SLC35B3: variants seen among roughly 807,000 people sequenced by gnomAD.
SLC35B3 encodes the protein adenosine 3'-phospho 5'-phosphosulfate transporter 2.
SLC35B3 carries 35 observed loss-of-function variants against 44.1 expected under a neutral mutation model. The observed-to-expected ratio is 0.79, with a 90% CI of 0.61 to 1.05. The LOEUF is 1.05. SLC35B3 is among the 50% of genes least tolerant of loss of function. The pLI, the probability that SLC35B3 is intolerant of heterozygous loss-of-function variation, is 0.00. For synonymous variants in SLC35B3, 146 were observed against 167.3 expected, an observed-to-expected ratio of 0.87 and a Z score of 0.98; for missense variants, 414 against 476.4, an observed-to-expected ratio of 0.87 and a Z score of 1.22.
chr6:8,426,129 C>A (rs1366409832), intron 4 of SLC35B3, among the ~76,000 whole-genome samples: 1 of 151,950 alleles, frequency 6.6e-6, no homozygotes, highest in Non-Finnish European at 1.5e-5. Context: ...TCTAAAAAAG[C>A]AGAATAACAA....
Position 8,419,627 on chromosome 6 carries a change from CATT to C in SLC35B3, c.730_732del (p.Asn244del), listed in dbSNP as rs779084757. 2.5e-6 allele frequency: 4 copies of C among 1,570,490 alleles called. No homozygotes were observed. In the Admixed American group the frequency reaches 5.2e-5, roughly 21 times the overall value. Reference sequence around the variant, plus strand: ...TGAAGTTTCATAGCTTTCTCTTGAACATTTCCAATGACGGCATCTGCACATAGT... The same window carrying C: ...TGAAGTTTCATAGCTTTCTCTTGAACTCCAATGACGGCATCTGCACATAGT... On this transcript the variant is annotated inframe_deletion, in exon 7 of 11. Transcript: ENST00000644923. The surrounding 1 kb of genome is among the most constrained non-coding windows in gnomAD (Gnocchi z 4.3).
chr6:8,434,465 G>C lies in SLC35B3; in HGVS notation c.-43-35C>G. Reference sequence around the variant, plus strand: ...ACGATTATAAAACAGAAAAAACAAAGTTCCATCTCATTTCTTTGTACACAC... The same window carrying C: ...ACGATTATAAAACAGAAAAAACAAACTTCCATCTCATTTCTTTGTACACAC... On this transcript the variant is annotated intron_variant, in intron 1 of 10. Coordinates refer to ENST00000644923, the MANE Select transcript of SLC35B3 (RefSeq NM_001370476.2). This position sits in a 1 kb window ranked among gnomAD's most constrained non-coding sequence, Gnocchi z 6.3. 7 of 1,586,582 alleles carry C rather than the reference G, an allele frequency of 4.4e-6. No individual in the cohort carries two copies. The highest frequency in any genetic ancestry group is 6.0e-6 in the Non-Finnish European group (7 of 1,161,558).
chr6:8,419,784 G>A lies in SLC35B3; in HGVS notation c.683-107C>T, dbSNP rs1762732750. On this transcript the variant is annotated intron_variant, in intron 6 of 10. Coordinates refer to ENST00000644923, the MANE Select transcript of SLC35B3 (RefSeq NM_001370476.2). The surrounding 1 kb of genome is among the most constrained non-coding windows in gnomAD (Gnocchi z 4.3). ...TTCATTGGTCTAAAAAACAAAAGCAGATCTTCAACTACATTTGTTCGGTAA... is the reference window on the plus strand; with the variant it reads ...TTCATTGGTCTAAAAAACAAAAGCAAATCTTCAACTACATTTGTTCGGTAA... The A allele has an allele frequency of 9.5e-6, 5 of 529,088 alleles. No homozygotes were observed. The South Asian group carries it at 1.5e-4, about 16-fold the overall frequency. 32.8% of individuals were successfully genotyped at this position (529,088 alleles called of 1,614,324 possible). A position where few individuals can be genotyped will look rare whatever the true frequency, so the allele number is the denominator to read the frequency against.
chr6:8,428,185 TAGAG>T (rs530668729), intron 3 of SLC35B3, 127 bp from the exon 3 acceptor site: 18 of 837,122 alleles, frequency 2.2e-5, no homozygotes, highest in Non-Finnish European at 3.0e-5. Context: ...AAATGTAAAT[TAGAG>T]AGGTTAGAAG....
chr6:8,426,521 C>T (rs1450522508), intron 4 of SLC35B3, among the ~76,000 whole-genome samples: 3 of 152,018 alleles, frequency 2.0e-5, no homozygotes, highest in African/African-American at 4.8e-5. Context: ...CAGGGGTTTC[C>T]GCTTTTGCAT....
Position 8,413,611 on chromosome 6 carries a change from A to C in SLC35B3, c.1144T>G (p.Tyr382Asp). ...TCCACTGATTTGTTTATCAAATCATACAGTGATGGTAGTCTTATTTTATCC... is the reference window on the plus strand; with the variant it reads ...TCCACTGATTTGTTTATCAAATCATCCAGTGATGGTAGTCTTATTTTATCC... Residue 382 changes from tyrosine to aspartate, a missense_variant, in exon 11 of 11, where the codon TAT becomes GAT. By Grantham distance (160) the Tyr-to-Asp change is radical. Transcript: ENST00000644923. The C allele has an allele frequency of 6.2e-7, 1 of 1,604,614 alleles. No individual in the cohort carries two copies.
rs141551528 is a variant in SLC35B3 at position 8,412,268 on chromosome 6, T to C, written c.*1281A>G. ...CCATTGTTTATGAGCTACCCACTTA[T>C]GGTATTTTATATAGCAGCCTGAATG... is the stretch of plus-strand genomic sequence containing the variant. On this transcript the variant is annotated 3_prime_UTR_variant, in exon 11 of 11. Coordinates refer to ENST00000644923, the MANE Select transcript of SLC35B3 (RefSeq NM_001370476.2). Among the ~76,000 whole-genome samples the C allele has an allele frequency of 6.5e-3, 993 of 152,340 alleles. 8 individuals are homozygous for C. Among genetic ancestry groups the C allele is most frequent in the African/African-American group, 0.022 (933 of 41,580 alleles).
chr6:8,420,753 T>G lies in SLC35B3; in HGVS notation c.650A>C (p.Asp217Ala), dbSNP rs759029245. The change falls in exon 6 of 11, where the codon GAC (aspartate) becomes GCC (alanine). Residue 217 changes from aspartate (D) to alanine (A), a missense_variant. Physicochemically the swap from Asp to Ala is moderately radical, Grantham distance 126. Transcript: ENST00000644923. The surrounding 1 kb of genome is among the most constrained non-coding windows in gnomAD (Gnocchi z 4.4). ...GTTGAAATTTGGTGCAGTTGTGCTG[T>G]CAGCGAGGGTAAACCATATCAGGCC... is the stretch of plus-strand genomic sequence containing the variant. 1.9e-6 allele frequency: 3 copies of G among 1,613,266 alleles called. No individual in the cohort carries two copies. The East Asian group carries it at 6.7e-5, about 36-fold the overall frequency.
chr6:8,418,966 T>G (rs1321826401), intron 7 of SLC35B3: 1 of 156,372 alleles, frequency 6.4e-6, no homozygotes, highest in Non-Finnish European at 1.4e-5. Flanking sequence ...ATATGTACTA[T>G]TGCAAAAATA....
chr6:8,433,422 T>C lies in SLC35B3; in HGVS notation c.3+963A>G, dbSNP rs539862013. Among the ~76,000 whole-genome samples the C allele has an allele frequency of 9.2e-5, 14 of 152,224 alleles. No individual in the cohort carries two copies. The highest frequency in any genetic ancestry group is 1.9e-4 in the Non-Finnish European group (13 of 68,046). On this transcript the variant is annotated intron_variant, in intron 2 of 10. Coordinates refer to ENST00000644923, the MANE Select transcript of SLC35B3 (RefSeq NM_001370476.2). The surrounding 1 kb of genome is among the most constrained non-coding windows in gnomAD (Gnocchi z 4.1). ...TGAAATCCTTAAGGCAAGAGATATC[T>C]TCCTATGATGTTCTGGCACATAACA... is the stretch of plus-strand genomic sequence containing the variant.
intron 8 of SLC35B3, 29 bp downstream of exon 7, chr6:8,417,373 T>C (rs1050372267): frequency 2.9e-6 from 4 of 1,373,916 alleles, no homozygotes; most frequent in Non-Finnish European, 3.0e-6. Context: ...AACAGAAGAT[T>C]TTTTTTTTTA....
In SLC35B3 at chr6:8,430,105, T is replaced by C. The variant is rs34956976; in HGVS notation, c.56A>G (p.Asn19Ser). The change falls in exon 3 of 11, where the codon AAC becomes AGC. Residue 19 changes from asparagine (N) to serine (S), a missense_variant. Transcript: ENST00000644923. ...TTCAATGCTTTCAGAGTTATTTTTG[T>C]TGGTTTCCTGGACTGTTATGTTCTG... The C allele has an allele frequency of 1.7e-3, 2,688 of 1,612,804 alleles. 39 individuals are homozygous for C. The African/African-American group carries it at 0.031, about 18-fold the overall frequency.
At chr6:8,429,666 G>T in intron 3 of SLC35B3, 198 bp downstream of exon 2, 1 of 438,012 alleles carries the variant, frequency 2.3e-6, no homozygotes, top group Non-Finnish European at 4.0e-6. Context: ...CTCTACATAT[G>T]CCTCCTCCCC....
chr6:8,430,089 T>C lies in SLC35B3; in HGVS notation c.72A>G (p.Glu24=), dbSNP rs1278850503. The C allele has an allele frequency of 5.0e-6, 8 of 1,613,412 alleles. No homozygotes were observed. The Admixed American group carries it at 1.3e-4, about 27-fold the overall frequency. Residue 24 remains glutamate (E), a synonymous_variant, in exon 3 of 11, where the codon GAA becomes GAG. Transcript: ENST00000644923. ...TTGTTATTTTGCTGCATTCAATGCT[T>C]TCAGAGTTATTTTTGTTGGTTTCCT...
Position 8,419,587 on chromosome 6 carries a change from G to T in SLC35B3, c.773C>A (p.Ser258Tyr). 2 of 1,519,156 alleles carry T rather than the reference G, an allele frequency of 1.3e-6. No individual in the cohort carries two copies. Among genetic ancestry groups the T allele is most frequent in the Middle Eastern group, 1.7e-4 (1 of 5,744 alleles). The allele number at this position is 1,519,156 out of a possible 1,614,324, so 94.1% of individuals were successfully genotyped here. ...AAACACTAGAGTATTTACCATTTCA[G>T]AATTAGAAGCATTATGAAGTTTCAT... is the stretch of plus-strand genomic sequence containing the variant. Residue 258 changes from serine to tyrosine, a missense_variant, in exon 7 of 11, where the codon TCT becomes TAT. Transcript: ENST00000644923. This position sits in a 1 kb window ranked among gnomAD's most constrained non-coding sequence, Gnocchi z 4.3.
In SLC35B3 at chr6:8,428,805, T is replaced by A. The variant is rs140632237; in HGVS notation, c.298-747A>T. ...TTTCTCAACAAGAAATTCTAATCTC[T>A]ATTTTTAATTGTTCTTCATTGTGGC... On this transcript the variant is annotated intron_variant, in intron 3 of 10. Coordinates refer to ENST00000644923, the MANE Select transcript of SLC35B3 (RefSeq NM_001370476.2). 1.0e-2 allele frequency among the ~76,000 whole-genome samples: 1,517 copies of A among 152,272 alleles called. 8 individuals carry two copies. The highest frequency in any genetic ancestry group is 0.013 in the Non-Finnish European group (861 of 67,972).
chr6:8,411,547 G>A lies in SLC35B3; in HGVS notation c.*2002C>T. ...TAAAAGTTTAAGGCAGCATAATGAA[G>A]TATGCATTAAGATCCCGTCTATCTT... On this transcript the variant is annotated 3_prime_UTR_variant, in exon 11 of 11. Coordinates refer to ENST00000644923, the MANE Select transcript of SLC35B3 (RefSeq NM_001370476.2). Among the ~76,000 whole-genome samples the A allele has an allele frequency of 6.6e-6, 1 of 152,118 alleles. No individual in the cohort carries two copies. The highest frequency in any genetic ancestry group is 6.6e-5 in the Admixed American group (1 of 15,256).
intron 9 of SLC35B3, 21 bp from the exon 9 acceptor site, chr6:8,414,998 T>C: frequency 6.6e-7 from 1 of 1,521,122 alleles, no homozygotes. Flanking sequence ...AAAAAATTAG[T>C]TTAGAATGTG....
rs5874147 is a variant in SLC35B3, at chr6:8,434,033, AAT to A, written c.3+350_3+351del. On this transcript the variant is annotated intron_variant, in intron 2 of 10. Transcript: ENST00000644923. This position sits in a 1 kb window ranked among gnomAD's most constrained non-coding sequence, Gnocchi z 6.3. ...AGCTCACAGTAATCAGTGAAACTAA[AAT>A]ATATATATATATATTTTAAAAATCA... Among the ~76,000 whole-genome samples the A allele has an allele frequency of 4.1e-4, 20 of 48,202 alleles. No individual in the cohort carries two copies. Among genetic ancestry groups the A allele is most frequent in the African/African-American group, 1.1e-3 (13 of 12,216 alleles). 31.6% of individuals were successfully genotyped at this position (48,202 alleles called of 152,430 possible). A position where few individuals can be genotyped will look rare whatever the true frequency, so the allele number is the denominator to read the frequency against.
Sources: gnomAD v4.1 joint callset for allele counts (sites outside exome capture counted in the v4.1 genomes callset) on GRCh38, gnomAD v4.1.1 for gene constraint, Gnocchi (gnomAD v3.1) non-coding constraint, MANE v1.5 for transcripts, NCBI Gene and HGNC (gene_info 2026-07-23, HGNC 2026-07-21) for gene names.